The following TENM3 variants were observed in gnomAD, a reference collection of about 807,000 sequenced individuals.
TENM3 encodes the protein teneurin-3.
TENM3 carries 63 observed loss-of-function variants against 255.1 expected under a neutral mutation model. The observed-to-expected ratio is 0.25, with a 90% CI of 0.20 to 0.30. The LOEUF (loss-of-function observed/expected upper bound fraction) is 0.30, where lower values mean the gene tolerates loss of function less well. TENM3 is among the 10% of genes least tolerant of loss of function. The probability of loss-of-function intolerance (pLI) is 1.00; values close to 1 mark genes in which losing one functional copy is unlikely to be tolerated. For missense variants in TENM3, 2,929 were observed against 3,461.1 expected (o/e 0.85, Z 3.86); for synonymous variants, 1,306 against 1,322.3 (o/e 0.99, Z 0.27).
At chr4:181,537,301 A>G in the TENM3 span, among the ~76,000 whole-genome samples, 1 of 152,156 alleles carries the variant, frequency 6.6e-6, no homozygotes, top group African/African-American at 2.4e-5. Flanking sequence ...AATATGGCCA[A>G]GTATTTTCTG....
intron 3 of TENM3, among the ~76,000 whole-genome samples, chr4:182,571,396 T>C (rs1047325320): frequency 1.3e-5 from 2 of 152,078 alleles, no homozygotes; most frequent in Non-Finnish European, 2.9e-5. Context: ...CATGGTGACA[T>C]GTGCCTGTAG....
At chr4:182,006,683 C>A in the TENM3 span, among the ~76,000 whole-genome samples, 686 of 152,102 alleles carry the variant, frequency 4.5e-3, 6 homozygotes, top group African/African-American at 0.015. Context: ...AAAACAGCTC[C>A]TGGATGCATT....
chr4:181,765,076 T>C, the TENM3 span, among the ~76,000 whole-genome samples: 3 of 152,228 alleles, frequency 2.0e-5, no homozygotes, highest in Non-Finnish European at 4.4e-5. Flanking sequence ...GGACGTTTCA[T>C]TTTAAAGAAA....
chr4:181,608,995 A>C, the TENM3 span, among the ~76,000 whole-genome samples: 1 of 152,178 alleles, frequency 6.6e-6, no homozygotes, highest in Non-Finnish European at 1.5e-5. Context: ...ACCTAATGGG[A>C]AGTTACGGTT....
intron 12 of TENM3, among the ~76,000 whole-genome samples, chr4:182,690,940 G>C (rs956351520): frequency 6.6e-6 from 1 of 152,156 alleles, no homozygotes; most frequent in African/African-American, 2.4e-5. Context: ...TGGGAAATAA[G>C]GGACCTGCTT....
chr4:182,729,281 GT>G, intron 14 of TENM3, 100 bp downstream of exon 14: 1 of 1,023,436 alleles, frequency 9.8e-7, no homozygotes, highest in Non-Finnish European at 1.4e-6. Flanking sequence ...GGAAAGTGCT[GT>G]TTTTTAAATA....
At chr4:181,507,389 C>T in the TENM3 span, among the ~76,000 whole-genome samples, 1 of 152,230 alleles carries the variant, frequency 6.6e-6, no homozygotes, top group Non-Finnish European at 1.5e-5. Context: ...CAATGGCACA[C>T]TATTAAATGC....
intron 1 of TENM3, among the ~76,000 whole-genome samples, chr4:182,277,515 C>T (rs1241829810): frequency 6.6e-6 from 1 of 152,062 alleles, no homozygotes; most frequent in Non-Finnish European, 1.5e-5. Flanking sequence ...AATAAGCTTC[C>T]CATTCAGAAC....
intron 25 of TENM3, among the ~76,000 whole-genome samples, chr4:182,791,096 TG>T (rs1022701596): frequency 6.6e-6 from 1 of 152,234 alleles, no homozygotes; most frequent in Non-Finnish European, 1.5e-5. Flanking sequence ...TGACTTCAGA[TG>T]ATTCCAAAAG....
In TENM3 at chr4:182,743,320, C is replaced by T; in HGVS notation, c.3530C>T (p.Ala1177Val). Reference protein sequence around the residue: ...ADGNKLLAPVALACGIDGSLY... With the variant: ...ADGNKLLAPVVLACGIDGSLY... The stretch of plus-strand genomic sequence containing the variant: ...GGTAACAAGTTACTGGCCCCAGTGG[C>T]GCTAGCTTGTGGGATCGATGGCAGT... Residue 1177 changes from alanine to valine, a missense_variant, in exon 19 of 28, where the codon GCG (alanine) becomes GTG (valine). Transcript: ENST00000511685. 8 of 1,613,968 alleles carry T rather than the reference C, an allele frequency of 5.0e-6. No individual in the cohort carries two copies. In the East Asian group the frequency reaches 6.7e-5, roughly 13 times the overall value.
At chr4:182,786,878 A>AT (rs1476881520) in intron 24 of TENM3, among the ~76,000 whole-genome samples, 2 of 152,154 alleles carry the variant, frequency 1.3e-5, no homozygotes, top group Non-Finnish European at 2.9e-5. Context: ...CATTCAGGGT[A>AT]TTTTTTCCTT....
At chr4:181,456,261 G>A in the TENM3 span, among the ~76,000 whole-genome samples, 22 of 151,290 alleles carry the variant, frequency 1.5e-4, no homozygotes, top group African/African-American at 4.6e-4. Flanking sequence ...AATTCTGTCC[G>A]ATATCAAAGC....
At chr4:181,782,397 T>C in the TENM3 span, among the ~76,000 whole-genome samples, 1 of 152,192 alleles carries the variant, frequency 6.6e-6, no homozygotes, top group East Asian at 1.9e-4. Context: ...GATTTTCTAG[T>C]TTATTTGCAT....
the TENM3 span, among the ~76,000 whole-genome samples, chr4:181,932,412 A>G: frequency 2.6e-5 from 4 of 152,262 alleles, no homozygotes; most frequent in Admixed American, 6.5e-5. Context: ...CATATGAAAA[A>G]AAGCTCATCA....
chr4:182,007,618 T>C, the TENM3 span, among the ~76,000 whole-genome samples: 1 of 152,204 alleles, frequency 6.6e-6, no homozygotes, highest in South Asian at 2.1e-4. Flanking sequence ...TATGTGTGTC[T>C]TTGCATGTAA....
chr4:181,546,579 T>C, the TENM3 span, among the ~76,000 whole-genome samples: 2 of 141,680 alleles, frequency 1.4e-5, no homozygotes, highest in Non-Finnish European at 3.1e-5. Flanking sequence ...CCGGGCGTGG[T>C]GGCGGACGCC....
At chr4:181,806,191 C>A in the TENM3 span, among the ~76,000 whole-genome samples, 1 of 152,190 alleles carries the variant, frequency 6.6e-6, no homozygotes, top group Non-Finnish European at 1.5e-5. Context: ...CTTTTCAGTT[C>A]AGCTTTCTGA....
intron 3 of TENM3, among the ~76,000 whole-genome samples, chr4:182,379,783 T>A (rs1450565206): frequency 6.6e-6 from 1 of 152,184 alleles, no homozygotes; most frequent in African/African-American, 2.4e-5. Context: ...TCACTAGCTC[T>A]GGGGCCTTAG....
At chr4:181,493,925 A>G in the TENM3 span, among the ~76,000 whole-genome samples, 1 of 152,156 alleles carries the variant, frequency 6.6e-6, no homozygotes, top group African/African-American at 2.4e-5. Flanking sequence ...AACCACCGCA[A>G]TAATAATATC....
Sources: gnomAD v4.1 joint callset for allele counts (sites outside exome capture counted in the v4.1 genomes callset) on GRCh38, gnomAD v4.1.1 for gene constraint, MANE v1.5 for transcripts, NCBI Gene and HGNC (gene_info 2026-07-23, HGNC 2026-07-21) for gene names.